Variants in IGF1R observed in about 807,000 individuals in gnomAD.
The protein encoded by IGF1R is insulin-like growth factor 1 receptor.
IGF1R carries 44 observed loss-of-function variants against 144.6 expected under a neutral mutation model. The ratio of observed to expected loss-of-function variants is 0.30; its 90% CI spans 0.24 to 0.39. IGF1R has a LOEUF of 0.39. IGF1R is among the 10% of genes least tolerant of loss of function. The pLI is 1.00. For missense variants in IGF1R, 1,355 were observed against 1,833.7 expected (o/e 0.74, Z 4.77); for synonymous variants, 795 against 722.8 (o/e 1.10, Z -1.60).
At chr15:98,749,895 T>C (rs1435635761) in intron 2 of IGF1R, among the ~76,000 whole-genome samples, 1 of 152,076 alleles carries the variant, frequency 6.6e-6, no homozygotes, top group Non-Finnish European at 1.5e-5. Flanking sequence ...GGCTTTTTTT[T>C]TTTTTTTGGC....
At chr15:98,747,089 T>C (rs1260009188) in intron 2 of IGF1R, among the ~76,000 whole-genome samples, 3 of 152,214 alleles carry the variant, frequency 2.0e-5, no homozygotes, top group Non-Finnish European at 4.4e-5. Context: ...GTAAGTGCAG[T>C]GTAATGTAAA....
intron 2 of IGF1R, among the ~76,000 whole-genome samples, chr15:98,759,819 G>A: frequency 6.6e-6 from 1 of 152,170 alleles, no homozygotes; most frequent in East Asian, 1.9e-4. Context: ...AGGTGTCTGT[G>A]TGGCCATCTG....
chr15:98,769,916 T>C (rs8026582), intron 2 of IGF1R, among the ~76,000 whole-genome samples: 140,056 of 152,212 alleles, frequency 0.92, 65,581 homozygotes, highest in East Asian at 1. Flanking sequence ...TGAGATTTTC[T>C]ATCCCCTTCC....
intron 20 of IGF1R, among the ~76,000 whole-genome samples, chr15:98,951,676 A>G (rs1475634124): frequency 6.6e-6 from 1 of 152,218 alleles, no homozygotes; most frequent in Non-Finnish European, 1.5e-5. Context: ...GTGTTGCTGC[A>G]TAGGTAGTAT....
At chr15:98,708,730 T>G (rs578148022) in intron 2 of IGF1R, among the ~76,000 whole-genome samples, 2 of 152,334 alleles carry the variant, frequency 1.3e-5, no homozygotes, top group South Asian at 4.1e-4. Flanking sequence ...AGTCCCAGGT[T>G]CAGGCTGTAC....
At chr15:98,661,529 A>T (rs1323936851) in intron 1 of IGF1R, among the ~76,000 whole-genome samples, 1 of 152,224 alleles carries the variant, frequency 6.6e-6, no homozygotes, top group Non-Finnish European at 1.5e-5. Context: ...GCATCTTGTG[A>T]AATTCTCATG....
intron 2 of IGF1R, among the ~76,000 whole-genome samples, chr15:98,727,342 A>G (rs1359679634): frequency 6.6e-6 from 1 of 152,180 alleles, no homozygotes; most frequent in African/African-American, 2.4e-5. Flanking sequence ...ACCATGAATT[A>G]GGCTCTTGGA....
At chr15:98,914,822 G>A (rs1596443983) in intron 8 of IGF1R, among the ~76,000 whole-genome samples, 1 of 152,320 alleles carries the variant, frequency 6.6e-6, no homozygotes, top group East Asian at 1.9e-4. Context: ...CTGCTGTTTG[G>A]TGACACCTAT....
intron 2 of IGF1R, among the ~76,000 whole-genome samples, chr15:98,847,359 C>A (rs1268965281): frequency 6.6e-6 from 1 of 152,150 alleles, no homozygotes; most frequent in Non-Finnish European, 1.5e-5. Flanking sequence ...CATACCCTCA[C>A]CACCTTCTTG....
intron 2 of IGF1R, among the ~76,000 whole-genome samples, chr15:98,719,126 G>C (rs528084309): frequency 6.6e-6 from 1 of 152,154 alleles, no homozygotes; most frequent in Non-Finnish European, 1.5e-5. Context: ...GTAATACGTC[G>C]ATACTACTTT....
intron 2 of IGF1R, among the ~76,000 whole-genome samples, chr15:98,720,801 C>T (rs374934473): frequency 2.0e-5 from 3 of 152,150 alleles, no homozygotes; most frequent in African/African-American, 4.8e-5. Context: ...GCTGATGTAA[C>T]TCGATTATGT....
intron 10 of IGF1R, among the ~76,000 whole-genome samples, chr15:98,920,775 C>T (rs558384786): frequency 6.6e-5 from 10 of 152,208 alleles, no homozygotes; most frequent in Admixed American, 2.6e-4. Flanking sequence ...TTCATGCCTT[C>T]GGTAGGACCC....
intron 19 of IGF1R, among the ~76,000 whole-genome samples, chr15:98,943,868 A>G (rs2016455004): frequency 6.6e-6 from 1 of 152,204 alleles, no homozygotes; most frequent in Non-Finnish European, 1.5e-5. Context: ...CTATTTCAAT[A>G]GTGACTGACA....
chr15:98,817,304 A>AAAT lies in IGF1R; in HGVS notation c.641-73986_641-73984dup, dbSNP rs57196850. ...GCAGCAGAGCGAGAATCTGTCTCAA[A>AAAT]AATAATAATAATAATAATAATAATA... On this transcript the variant is annotated intron_variant, in intron 2 of 20. Transcript: ENST00000650285. Among the ~76,000 whole-genome samples the AAAT allele has an allele frequency of 2.8e-3, 414 of 146,336 alleles. 1 individual carries two copies. Among genetic ancestry groups the AAAT allele is most frequent in the African/African-American group, 6.8e-3 (269 of 39,824 alleles).
At chr15:98,709,942 G>A (rs1462188593) in intron 2 of IGF1R, among the ~76,000 whole-genome samples, 2 of 152,200 alleles carry the variant, frequency 1.3e-5, no homozygotes, top group Non-Finnish European at 2.9e-5. Flanking sequence ...AAGACCCCTG[G>A]GGTAGGGGTG....
intron 2 of IGF1R, among the ~76,000 whole-genome samples, chr15:98,833,215 C>T (rs1174480812): frequency 1.3e-5 from 2 of 152,190 alleles, no homozygotes; most frequent in African/African-American, 4.8e-5. Context: ...TTCTGATCTC[C>T]CTCTACCTCT....
intron 13 of IGF1R, among the ~76,000 whole-genome samples, chr15:98,928,025 C>A (rs1045632514): frequency 2.6e-5 from 4 of 152,130 alleles, no homozygotes; most frequent in Non-Finnish European, 2.9e-5. Flanking sequence ...CATTTGTTAC[C>A]CAAGCCAGGA....
At chr15:98,715,222 T>C (rs919606258) in intron 2 of IGF1R, among the ~76,000 whole-genome samples, 2 of 152,228 alleles carry the variant, frequency 1.3e-5, no homozygotes, top group African/African-American at 4.8e-5. Flanking sequence ...GCAGTTTGTG[T>C]GCAGGTTCCC....
intron 2 of IGF1R, among the ~76,000 whole-genome samples, chr15:98,826,429 G>A (rs2056895901): frequency 6.6e-6 from 1 of 152,148 alleles, no homozygotes; most frequent in African/African-American, 2.4e-5. Flanking sequence ...TTTCCTGAAA[G>A]CAAAATGATA....
Sources: allele counts gnomAD v4.1 joint callset (sites outside exome capture counted in the v4.1 genomes callset), GRCh38; gene constraint gnomAD v4.1.1; transcripts MANE v1.5; gene names NCBI Gene and HGNC (gene_info 2026-07-23, HGNC 2026-07-21).